Variants in PCDH9 observed in about 807,000 individuals in gnomAD.
PCDH9 encodes protocadherin 9, also known as protocadherin-9.
Under a neutral mutation model 70.6 loss-of-function variants are expected in PCDH9, and 24 were observed. The ratio of observed to expected loss-of-function variants is 0.34; its 90% CI spans 0.25 to 0.48. The LOEUF (loss-of-function observed/expected upper bound fraction) is 0.48, where lower values mean the gene tolerates loss of function less well. PCDH9 is among the 20% of genes least tolerant of loss of function. The pLI, the probability that PCDH9 is intolerant of heterozygous loss-of-function variation, is 0.99. For synonymous variants in PCDH9, 562 were observed against 558.5 expected (o/e 1.01, Z -0.09); for missense variants, 1,281 against 1,503.6 (o/e 0.85, Z 2.45).
chr13:67,093,541 A>C (rs533125971), intron 2 of PCDH9, among the ~76,000 whole-genome samples: 1 of 152,082 alleles, frequency 6.6e-6, no homozygotes, highest in Non-Finnish European at 1.5e-5. Context: ...AAGCAAAAAC[A>C]CCTTGGAGTA....
At chr13:66,860,425 C>T (rs1018615562) in intron 3 of PCDH9, among the ~76,000 whole-genome samples, 3 of 152,158 alleles carry the variant, frequency 2.0e-5, no homozygotes, top group Non-Finnish European at 4.4e-5. Context: ...TTTCCGGTCC[C>T]AATTTTACAG....
At chr13:67,131,368 T>G (rs2087107791) in intron 2 of PCDH9, among the ~76,000 whole-genome samples, 1 of 152,164 alleles carries the variant, frequency 6.6e-6, no homozygotes, top group Non-Finnish European at 1.5e-5. Flanking sequence ...TCTCTGTGAC[T>G]GGTTTCTTGC....
chr13:66,324,486 C>T (rs1955808175), intron 4 of PCDH9, among the ~76,000 whole-genome samples: 1 of 152,016 alleles, frequency 6.6e-6, no homozygotes, highest in Non-Finnish European at 1.5e-5. Flanking sequence ...ATTCCAAAAA[C>T]AAGGCCACAT....
At chr13:66,820,818 C>G (rs1431355705) in intron 3 of PCDH9, among the ~76,000 whole-genome samples, 2 of 151,884 alleles carry the variant, frequency 1.3e-5, no homozygotes, top group African/African-American at 4.8e-5. Context: ...TAGAGGGGAG[C>G]AACACACTAG....
chr13:66,877,609 G>C (rs2081840889), intron 3 of PCDH9, among the ~76,000 whole-genome samples: 1 of 152,100 alleles, frequency 6.6e-6, no homozygotes, highest in Admixed American at 6.5e-5. Flanking sequence ...ATTTGTGAAA[G>C]CAATCAGATC....
At chr13:67,185,143 A>T (rs74093434) in intron 2 of PCDH9, among the ~76,000 whole-genome samples, 2,148 of 152,298 alleles carry the variant, frequency 0.014, 54 homozygotes, top group African/African-American at 0.049. Flanking sequence ...AGTCCATTAG[A>T]AAAGAAGGAA....
chr13:66,876,729 G>C (rs1183566561), intron 3 of PCDH9: 1 of 152,072 alleles, frequency 6.6e-6, no homozygotes, highest in African/African-American at 2.4e-5. Flanking sequence ...GAGGTTTCTA[G>C]AGATTAAAAT....
intron 3 of PCDH9, among the ~76,000 whole-genome samples, chr13:66,632,113 T>C (rs2138937829): frequency 6.6e-6 from 1 of 152,294 alleles, no homozygotes; most frequent in East Asian, 1.9e-4. Flanking sequence ...CAGGCTGATC[T>C]TGAACTCCTG....
At chr13:66,379,999 C>T (rs1211613708) in intron 4 of PCDH9, among the ~76,000 whole-genome samples, 1 of 151,916 alleles carries the variant, frequency 6.6e-6, no homozygotes, top group Non-Finnish European at 1.5e-5. Context: ...AAGATAATTC[C>T]AAGAATTTCA....
intron 4 of PCDH9, among the ~76,000 whole-genome samples, chr13:66,596,810 T>C (rs959134336): frequency 7.0e-6 from 1 of 142,252 alleles, no homozygotes; most frequent in Non-Finnish European, 1.6e-5. Flanking sequence ...TCTTTTATAA[T>C]ACAAAAAAAA....
Position 66,700,802 on chromosome 13 carries a change from A to G in PCDH9, c.3139-69391T>C, listed in dbSNP as rs111298441. Reference sequence around the variant, plus strand: ...ATTCTCATACAGACTTTCAAAATACATGTAAAATGAAAATAATTCTCATAC... The same window carrying G: ...ATTCTCATACAGACTTTCAAAATACGTGTAAAATGAAAATAATTCTCATAC... On this transcript the variant is annotated intron_variant, in intron 3 of 4. Coordinates refer to ENST00000377865, the MANE Select transcript of PCDH9 (RefSeq NM_203487.3). 8.1e-4 allele frequency among the ~76,000 whole-genome samples: 122 copies of G among 151,526 alleles called. 1 individual carries two copies. The highest frequency in any genetic ancestry group is 2.9e-3 in the African/African-American group (118 of 41,338).
At chr13:66,954,801 T>A (rs1273684722) in intron 2 of PCDH9, among the ~76,000 whole-genome samples, 3 of 152,248 alleles carry the variant, frequency 2.0e-5, no homozygotes, top group Non-Finnish European at 4.4e-5. Flanking sequence ...TCTCGCTCTG[T>A]CACCCAGGCT....
At chr13:66,644,706 A>G (rs1332477058) in intron 3 of PCDH9, among the ~76,000 whole-genome samples, 1 of 152,014 alleles carries the variant, frequency 6.6e-6, no homozygotes, top group African/African-American at 2.4e-5. Flanking sequence ...TTCAAAAAAA[A>G]GTACTTCTGC....
At chr13:66,740,689 A>G (rs1447337921) in intron 3 of PCDH9, among the ~76,000 whole-genome samples, 2 of 151,984 alleles carry the variant, frequency 1.3e-5, no homozygotes, top group East Asian at 3.9e-4. Flanking sequence ...AATACAAACT[A>G]CCATCAGAGA....
At chr13:67,051,224 G>C (rs2085314965) in intron 2 of PCDH9, among the ~76,000 whole-genome samples, 1 of 152,056 alleles carries the variant, frequency 6.6e-6, no homozygotes, top group East Asian at 1.9e-4. Flanking sequence ...AAAGATGCTT[G>C]TGAAATACAA....
At chr13:67,049,139 G>GTTAATACTA (rs2085276963) in intron 2 of PCDH9, among the ~76,000 whole-genome samples, 1 of 152,098 alleles carries the variant, frequency 6.6e-6, no homozygotes, top group Non-Finnish European at 1.5e-5. Context: ...CTAATGAAAA[G>GTTAATACTA]TGCCTTTTGT....
At chr13:66,792,914 A>G (rs765649188) in intron 3 of PCDH9, among the ~76,000 whole-genome samples, 1 of 134,778 alleles carries the variant, frequency 7.4e-6, no homozygotes, top group Non-Finnish European at 1.7e-5. Flanking sequence ...TTGATAGTGA[A>G]AATGTTAAAT....
At chr13:67,068,380 T>G (rs1250789009) in intron 2 of PCDH9, among the ~76,000 whole-genome samples, 2 of 152,122 alleles carry the variant, frequency 1.3e-5, no homozygotes, top group Admixed American at 1.3e-4. Context: ...ATATGCATTA[T>G]TATAATCTGG....
chr13:67,078,204 C>T (rs1442894447), intron 2 of PCDH9, among the ~76,000 whole-genome samples: 1 of 152,138 alleles, frequency 6.6e-6, no homozygotes. Context: ...GGGCTTCTTC[C>T]CACCAAAGGC....
Sources: gnomAD v4.1 joint callset for allele counts (sites outside exome capture counted in the v4.1 genomes callset) on GRCh38, gnomAD v4.1.1 for gene constraint, MANE v1.5 for transcripts, NCBI Gene and HGNC (gene_info 2026-07-23, HGNC 2026-07-21) for gene names.